The following PREX2 variants were observed in gnomAD, a reference collection of about 807,000 sequenced individuals.
PREX2 encodes phosphatidylinositol-3,4,5-trisphosphate dependent Rac exchange factor 2.
A neutral mutation model predicts 203.2 loss-of-function variants in PREX2; 107 were observed. The observed-to-expected ratio is 0.53, with a 90% CI of 0.45 to 0.62. PREX2 has a LOEUF of 0.62. Among genes scored for constraint, PREX2 ranks in the 20% least tolerant of loss-of-function variants. The pLI is 0.00. For synonymous variants in PREX2, 672 were observed against 663.6 expected (o/e 1.01, Z -0.19); for missense variants, 1,777 against 1,955.9 (o/e 0.91, Z 1.72).
At chr8:68,011,921 A>G (rs1807275380) in intron 1 of PREX2, among the ~76,000 whole-genome samples, 1 of 152,190 alleles carries the variant, frequency 6.6e-6, no homozygotes, top group South Asian at 2.1e-4. Context: ...GATGGCATTT[A>G]TTATAGTATT....
rs117813163 is a variant in PREX2, at chr8:68,001,953, T to G, written c.142-15893T>G. On this transcript the variant is annotated intron_variant, in intron 1 of 39. Transcript: ENST00000288368. ...CTGGAGTCTACTTGAGGGCGGAGGG[T>G]GGGAGGAGGAAGAGGGGCAGAAAAA... 1.8e-3 allele frequency among the ~76,000 whole-genome samples: 274 copies of G among 151,642 alleles called. 4 individuals are homozygous for G. The highest frequency in any genetic ancestry group is 3.0e-3 in the Non-Finnish European group (205 of 67,880).
chr8:68,218,951 C>G (rs1389227769), intron 38 of PREX2, among the ~76,000 whole-genome samples: 1 of 152,142 alleles, frequency 6.6e-6, no homozygotes, highest in Non-Finnish European at 1.5e-5. Flanking sequence ...TTAGGAAGGA[C>G]TTTTTGGATA....
chr8:68,091,516 T>G (rs745740383), intron 20 of PREX2, among the ~76,000 whole-genome samples: 5 of 152,194 alleles, frequency 3.3e-5, no homozygotes, highest in African/African-American at 7.2e-5. Flanking sequence ...TGTCCAAACC[T>G]GGAAGATGAA....
At chr8:68,155,776 T>C (rs1042008521) in intron 34 of PREX2, among the ~76,000 whole-genome samples, 1 of 152,182 alleles carries the variant, frequency 6.6e-6, no homozygotes, top group African/African-American at 2.4e-5. Context: ...CCTTGTCCTG[T>C]GATTTATTTC....
At chr8:68,230,697 C>T (rs753024538) in intron 39 of PREX2, among the ~76,000 whole-genome samples, 4 of 152,144 alleles carry the variant, frequency 2.6e-5, no homozygotes, top group African/African-American at 4.8e-5. Context: ...GAAGCATTTC[C>T]AGGCATCTCC....
intron 8 of PREX2, among the ~76,000 whole-genome samples, chr8:68,048,580 A>G (rs1808433719): frequency 6.6e-6 from 1 of 151,806 alleles, no homozygotes; most frequent in Non-Finnish European, 1.5e-5. Flanking sequence ...TGTTGAATAC[A>G]TTTTTTTTAT....
chr8:68,097,301 T>C, intron 22 of PREX2, 100 bp downstream of exon 22: 1 of 890,058 alleles, frequency 1.1e-6, no homozygotes, highest in Non-Finnish European at 1.6e-6. Flanking sequence ...CTATACATGT[T>C]GCAGCTGTCA....
At chr8:68,044,944 T>G (rs1808307303) in intron 8 of PREX2, among the ~76,000 whole-genome samples, 1 of 152,132 alleles carries the variant, frequency 6.6e-6, no homozygotes, top group East Asian at 1.9e-4. Context: ...TCAGTGATGT[T>G]TTGTTCCTAT....
At chr8:68,070,757 C>T (rs900989964) in intron 13 of PREX2, among the ~76,000 whole-genome samples, 5 of 151,856 alleles carry the variant, frequency 3.3e-5, no homozygotes, top group Admixed American at 6.6e-5. Flanking sequence ...CAAGAAAATG[C>T]GAAGCTTAAA....
At chr8:67,982,306 C>T (rs1806297252) in intron 1 of PREX2, among the ~76,000 whole-genome samples, 1 of 152,026 alleles carries the variant, frequency 6.6e-6, no homozygotes. Context: ...CCTATAGTCC[C>T]AGCTACTTGG....
In PREX2 at chr8:68,027,340, C is replaced by G. The variant is rs780442851; in HGVS notation, c.543+17C>G. On this transcript the variant is annotated intron_variant, in intron 5 of 39. Transcript: ENST00000288368. The stretch of plus-strand genomic sequence containing the variant: ...ATTTTGAAGGTATTTTATGTGCTAC[C>G]TCATTGTAGCCATTTTCTTGTATCT... 1.4e-6 allele frequency: 2 copies of G among 1,395,360 alleles called. No individual in the cohort carries two copies. Among genetic ancestry groups the G allele is most frequent in the South Asian group, 1.2e-5 (1 of 85,642 alleles). 86.4% of individuals were successfully genotyped at this position (1,395,360 alleles called of 1,614,324 possible). A position where few individuals can be genotyped will look rare whatever the true frequency, so the allele number is the denominator to read the frequency against.
chr8:68,126,946 T>C (rs1462058522), intron 30 of PREX2, among the ~76,000 whole-genome samples: 2 of 151,918 alleles, frequency 1.3e-5, no homozygotes, highest in African/African-American at 4.8e-5. Flanking sequence ...GTGTAAACTT[T>C]GAAAGTTTAA....
chr8:68,072,729 A>G (rs1180752096), intron 14 of PREX2, among the ~76,000 whole-genome samples, 159 bp downstream of exon 14: 2 of 152,204 alleles, frequency 1.3e-5, no homozygotes, highest in African/African-American at 4.8e-5. Flanking sequence ...AACCTAGATG[A>G]TCAATTTTAG....
At chr8:67,992,857 A>C (rs6472369) in intron 1 of PREX2, among the ~76,000 whole-genome samples, 74,767 of 151,994 alleles carry the variant, frequency 0.49, 18,768 homozygotes, top group South Asian at 0.61. Flanking sequence ...AGGGGGTCAT[A>C]ACTAGTACCC....
At chr8:68,214,235 A>G (rs1218280497) in intron 37 of PREX2, among the ~76,000 whole-genome samples, 1 of 152,102 alleles carries the variant, frequency 6.6e-6, no homozygotes, top group Admixed American at 6.5e-5. Context: ...ACCCATCTCC[A>G]CAAAAAATAC....
intron 1 of PREX2, among the ~76,000 whole-genome samples, chr8:67,975,453 C>T (rs1806050946): frequency 6.6e-6 from 1 of 151,732 alleles, no homozygotes; most frequent in East Asian, 1.9e-4. Context: ...TGAGTGAATA[C>T]ATGCTTTTAA....
intron 25 of PREX2, among the ~76,000 whole-genome samples, chr8:68,111,715 C>T (rs1386901376): frequency 6.6e-6 from 1 of 152,180 alleles, no homozygotes; most frequent in Non-Finnish European, 1.5e-5. Context: ...TTCCACACAA[C>T]TTAATGTGCA....
intron 34 of PREX2, among the ~76,000 whole-genome samples, chr8:68,149,631 C>T (rs776425603): frequency 1.1e-4 from 16 of 152,190 alleles, no homozygotes; most frequent in Non-Finnish European, 1.9e-4. Context: ...CTTCTCTACA[C>T]GCTCCCCACT....
chr8:68,208,036 C>T (rs922513453), intron 37 of PREX2, among the ~76,000 whole-genome samples: 12 of 152,090 alleles, frequency 7.9e-5, no homozygotes, highest in African/African-American at 2.4e-4. Context: ...AATGGGAAGC[C>T]ATTCCTGTGT....
Sources: gnomAD v4.1 joint callset for allele counts (sites outside exome capture counted in the v4.1 genomes callset) on GRCh38, gnomAD v4.1.1 for gene constraint, MANE v1.5 for transcripts, NCBI Gene and HGNC (gene_info 2026-07-23, HGNC 2026-07-21) for gene names.